CNTNAP5: variants seen among roughly 807,000 people sequenced by gnomAD.
CNTNAP5 encodes contactin associated protein family member 5.
CNTNAP5 carries 72 observed loss-of-function variants against 150.2 expected under a neutral mutation model. The observed-to-expected ratio is 0.48, with a 90% CI of 0.40 to 0.58. CNTNAP5 has a LOEUF of 0.58. Ranked by LOEUF, CNTNAP5 falls within the 20% of genes least tolerant of loss-of-function variation. The probability of loss-of-function intolerance (pLI) is 0.00; values close to 1 mark genes in which losing one functional copy is unlikely to be tolerated. For synonymous variants in CNTNAP5, 672 were observed against 619.8 expected (o/e 1.08, Z -1.25); for missense variants, 1,636 against 1,626.2 (o/e 1.01, Z -0.10).
chr2:124,100,464 C>T (rs536089680), intron 1 of CNTNAP5, among the ~76,000 whole-genome samples: 2 of 151,956 alleles, frequency 1.3e-5, no homozygotes, highest in African/African-American at 2.4e-5. Context: ...ATAACTAATA[C>T]GTATAATAAG....
intron 14 of CNTNAP5, among the ~76,000 whole-genome samples, chr2:124,752,494 A>C (rs1339587963): frequency 6.6e-6 from 1 of 152,184 alleles, no homozygotes; most frequent in Non-Finnish European, 1.5e-5. Flanking sequence ...GGAGAGAAAA[A>C]AAAGTCATTC....
intron 3 of CNTNAP5, among the ~76,000 whole-genome samples, chr2:124,262,645 C>A (rs1305218131): frequency 6.7e-6 from 1 of 149,938 alleles, no homozygotes; most frequent in Non-Finnish European, 1.5e-5. Flanking sequence ...TTTCCAACAG[C>A]ATTCTGTTTT....
At chr2:124,913,323 T>C (rs928987845) in intron 23 of CNTNAP5, among the ~76,000 whole-genome samples, 4 of 152,104 alleles carry the variant, frequency 2.6e-5, no homozygotes, top group Non-Finnish European at 5.9e-5. Flanking sequence ...TTTATTGATA[T>C]TGCCTTTCAT....
intron 1 of CNTNAP5, among the ~76,000 whole-genome samples, chr2:124,037,745 G>A (rs1355499947): frequency 6.6e-6 from 1 of 152,144 alleles, no homozygotes; most frequent in Non-Finnish European, 1.5e-5. Flanking sequence ...GGCGGAATAA[G>A]TTCTAGAGAT....
chr2:124,366,267 G>A (rs914715961), intron 3 of CNTNAP5, among the ~76,000 whole-genome samples: 30 of 152,234 alleles, frequency 2.0e-4, no homozygotes, highest in African/African-American at 7.2e-4. Flanking sequence ...GCACATACCA[G>A]GGTACCCAGC....
intron 3 of CNTNAP5, among the ~76,000 whole-genome samples, chr2:124,416,357 C>CT (rs1691916917): frequency 9.9e-6 from 1 of 101,408 alleles, no homozygotes; most frequent in Non-Finnish European, 1.9e-5. Context: ...TTTGGATTTC[C>CT]TCTTTTTTTT....
intron 19 of CNTNAP5, among the ~76,000 whole-genome samples, chr2:124,807,980 A>T (rs1181786076): frequency 6.6e-6 from 1 of 152,182 alleles, no homozygotes; most frequent in African/African-American, 2.4e-5. Flanking sequence ...ATGCACAAGG[A>T]AGCACACAGG....
intron 13 of CNTNAP5, among the ~76,000 whole-genome samples, chr2:124,668,771 G>A (rs570451707): frequency 2.6e-5 from 4 of 152,074 alleles, no homozygotes; most frequent in South Asian, 2.1e-4. Context: ...AGTAATTCAC[G>A]TCAATTAACT....
intron 13 of CNTNAP5, among the ~76,000 whole-genome samples, chr2:124,737,912 A>G (rs565343673): frequency 7.1e-6 from 1 of 140,528 alleles, no homozygotes; most frequent in East Asian, 1.9e-4. Flanking sequence ...TAAATAAGCT[A>G]GAACATTAAA....
intron 13 of CNTNAP5, among the ~76,000 whole-genome samples, chr2:124,651,286 G>C (rs1025663491): frequency 1.3e-5 from 2 of 152,206 alleles, no homozygotes; most frequent in Non-Finnish European, 2.9e-5. Flanking sequence ...AAATCAATAA[G>C]AGAATGTGGG....
At chr2:124,224,705 A>G (rs1686413809) in intron 2 of CNTNAP5, among the ~76,000 whole-genome samples, 1 of 152,100 alleles carries the variant, frequency 6.6e-6, no homozygotes, top group African/African-American at 2.4e-5. Flanking sequence ...CATATGTGGT[A>G]TACAGATATA....
At chr2:124,423,319 C>T (rs1424240865) in intron 4 of CNTNAP5, among the ~76,000 whole-genome samples, 1 of 152,134 alleles carries the variant, frequency 6.6e-6, no homozygotes, top group African/African-American at 2.4e-5. Context: ...ACCAAACTTC[C>T]CTATATTTTT....
intron 19 of CNTNAP5, among the ~76,000 whole-genome samples, chr2:124,846,123 C>T (rs558426155): frequency 1.2e-4 from 19 of 152,108 alleles, no homozygotes; most frequent in Non-Finnish European, 2.4e-4. Flanking sequence ...CTCCTTTGGA[C>T]TTTTTAATGT....
intron 3 of CNTNAP5, among the ~76,000 whole-genome samples, chr2:124,300,322 C>T (rs1313360109): frequency 1.3e-5 from 2 of 152,158 alleles, no homozygotes; most frequent in African/African-American, 2.4e-5. Context: ...ATCACAAAGA[C>T]ACATAATCAC....
At chr2:124,451,963 C>T (rs1692992181) in intron 6 of CNTNAP5, among the ~76,000 whole-genome samples, 1 of 152,118 alleles carries the variant, frequency 6.6e-6, no homozygotes, top group Non-Finnish European at 1.5e-5. Context: ...CTACCAGAGG[C>T]ACTGAGAAAA....
At chr2:124,188,135 G>A (rs1391984282) in intron 1 of CNTNAP5, among the ~76,000 whole-genome samples, 1 of 152,170 alleles carries the variant, frequency 6.6e-6, no homozygotes, top group Non-Finnish European at 1.5e-5. Flanking sequence ...GGGAGACCCT[G>A]TGCACAAAAG....
At chr2:124,707,023 GA>G in intron 13 of CNTNAP5, among the ~76,000 whole-genome samples, 1 of 110,954 alleles carries the variant, frequency 9.0e-6, no homozygotes, top group East Asian at 2.9e-4. Context: ...AGGAGGAGAA[GA>G]AGAAGAAGAA....
chr2:124,055,671 G>A (rs1420165823), intron 1 of CNTNAP5, among the ~76,000 whole-genome samples: 1 of 152,086 alleles, frequency 6.6e-6, no homozygotes, highest in Non-Finnish European at 1.5e-5. Context: ...GACCTCATAA[G>A]TTGCCCAGCC....
chr2:124,565,656 G>A (rs1367459618), intron 11 of CNTNAP5, among the ~76,000 whole-genome samples: 2 of 127,586 alleles, frequency 1.6e-5, no homozygotes, highest in Non-Finnish European at 3.1e-5. Flanking sequence ...CTGGAGTGCA[G>A]TGGCGCGATC....
Sources: allele counts gnomAD v4.1 joint callset (sites outside exome capture counted in the v4.1 genomes callset), GRCh38; gene constraint gnomAD v4.1.1; transcripts MANE v1.5; gene names NCBI Gene and HGNC (gene_info 2026-07-23, HGNC 2026-07-21).